Variants in ARHGEF12 observed in about 807,000 individuals in gnomAD.
ARHGEF12 encodes Rho guanine nucleotide exchange factor 12, also known as KMT2A/ARHGEF12 fusion protein.
ARHGEF12 carries 66 observed loss-of-function variants against 211.2 expected under a neutral mutation model. That is an observed-to-expected ratio of 0.31 (90% CI 0.26 to 0.38). The LOEUF (loss-of-function observed/expected upper bound fraction) is 0.38, where lower values mean the gene tolerates loss of function less well. Among genes scored for constraint, ARHGEF12 ranks in the 10% least tolerant of loss-of-function variants. The pLI, the probability that ARHGEF12 is intolerant of heterozygous loss-of-function variation, is 1.00. For synonymous variants in ARHGEF12, 592 were observed against 638.4 expected (o/e 0.93, Z 1.09); for missense variants, 1,429 against 1,869.5 (o/e 0.76, Z 4.34).
chr11:120,384,791 T>TC (rs1383150678), intron 1 of ARHGEF12, among the ~76,000 whole-genome samples: 4 of 151,762 alleles, frequency 2.6e-5, no homozygotes, highest in Non-Finnish European at 2.9e-5. Context: ...ATATTTTTCC[T>TC]CCCCCCATGT....
intron 1 of ARHGEF12, among the ~76,000 whole-genome samples, chr11:120,400,982 G>A (rs1191646211): frequency 6.6e-6 from 1 of 152,186 alleles, no homozygotes; most frequent in Non-Finnish European, 1.5e-5. Context: ...TTAAAACAAA[G>A]AACACCATGG....
chr11:120,367,280 T>C (rs1943449589), intron 1 of ARHGEF12, among the ~76,000 whole-genome samples: 1 of 148,994 alleles, frequency 6.7e-6, no homozygotes, highest in Non-Finnish European at 1.5e-5. Flanking sequence ...TTAAGGATTA[T>C]AGGACAGCAC....
At chr11:120,421,275 T>C (rs934421952) in intron 5 of ARHGEF12, among the ~76,000 whole-genome samples, 2 of 152,178 alleles carry the variant, frequency 1.3e-5, no homozygotes, top group African/African-American at 2.4e-5. Flanking sequence ...TCCTTTATGT[T>C]GGGTGCTATA....
chr11:120,351,433 ATATATATATATATATATATATATTTTTT>A lies in ARHGEF12; in HGVS notation c.32+14160_32+14187del, dbSNP rs1201164564. 1.0e-2 allele frequency among the ~76,000 whole-genome samples: 37 copies of A among 3,716 alleles called. 2 individuals carry two copies. In the South Asian group the frequency reaches 0.12, roughly 13 times the overall value. 2.4% of individuals were successfully genotyped at this position (3,716 alleles called of 152,430 possible). On this transcript the variant is annotated intron_variant, in intron 1 of 40. Coordinates refer to ENST00000397843, the MANE Select transcript of ARHGEF12 (RefSeq NM_015313.3). ...AATATATATATATATATATATATAT[ATATATATATATATATATATATATTTTTT>A]TTTTTTTTTTTTTTTTTTTTGAGAC...
At chr11:120,484,857 G>A (rs1192727444) in intron 40 of ARHGEF12, among the ~76,000 whole-genome samples, 1 of 152,170 alleles carries the variant, frequency 6.6e-6, no homozygotes, top group African/African-American at 2.4e-5. Context: ...CTTATTGGAT[G>A]TTGGTGCACT....
intron 1 of ARHGEF12, among the ~76,000 whole-genome samples, chr11:120,364,461 A>G (rs1263241061): frequency 2.6e-5 from 4 of 152,204 alleles, no homozygotes; most frequent in Admixed American, 1.3e-4. Context: ...CAATTTTGGT[A>G]TATATCTCAA....
At chr11:120,478,059 A>AT in intron 36 of ARHGEF12, 97 bp from the exon 37 acceptor site, 1 of 789,852 alleles carries the variant, frequency 1.3e-6, no homozygotes, top group Non-Finnish European at 2.0e-6. Flanking sequence ...TAGTTTATGG[A>AT]TTGTTTTTTT....
At chr11:120,404,735 G>A (rs562986122) in intron 1 of ARHGEF12, among the ~76,000 whole-genome samples, 1 of 152,176 alleles carries the variant, frequency 6.6e-6, no homozygotes, top group Non-Finnish European at 1.5e-5. Flanking sequence ...CTGTGAGGTC[G>A]AGTGCCTAAG....
intron 26 of ARHGEF12, among the ~76,000 whole-genome samples, chr11:120,459,918 G>C (rs567691756): frequency 3.5e-4 from 53 of 152,274 alleles, no homozygotes; most frequent in Admixed American, 3.5e-3. Context: ...ATGTTGGCCA[G>C]GCTGGTCTCA....
intron 1 of ARHGEF12, among the ~76,000 whole-genome samples, chr11:120,402,472 A>G (rs1458602627): frequency 6.6e-6 from 1 of 152,192 alleles, no homozygotes; most frequent in East Asian, 1.9e-4. Context: ...GAGTGTATCT[A>G]CTAATGGAAT....
At position 120,396,480 on chromosome 11, in the gene ARHGEF12, C is replaced by T. The variant is rs188233671; in HGVS notation, c.33-9638C>T. 1.7e-4 allele frequency among the ~76,000 whole-genome samples: 26 copies of T among 152,278 alleles called. No individual in the cohort carries two copies. In the East Asian group the frequency reaches 4.8e-3, roughly 28 times the overall value. Reference sequence around the variant, plus strand: ...AAAGTTAACATTACTAGTGTTAAGTCATATTGGTGTCATATATCCTCTGAT... The same window carrying T: ...AAAGTTAACATTACTAGTGTTAAGTTATATTGGTGTCATATATCCTCTGAT... On this transcript the variant is annotated intron_variant, in intron 1 of 40. Coordinates refer to ENST00000397843, the MANE Select transcript of ARHGEF12 (RefSeq NM_015313.3).
chr11:120,481,315 G>C lies in ARHGEF12; in HGVS notation c.4293G>C (p.Glu1431Asp), dbSNP rs903821735. 6.2e-7 allele frequency: 1 copy of C among 1,614,160 alleles called. No homozygotes were observed. The highest frequency in any genetic ancestry group is 8.5e-7 in the Non-Finnish European group (1 of 1,180,026). Residue 1431 changes from glutamate (E) to aspartate (D), a missense_variant, in exon 39 of 41, where the codon GAG becomes GAC. Coordinates refer to ENST00000397843, the MANE Select transcript of ARHGEF12 (RefSeq NM_015313.3). The stretch of plus-strand genomic sequence containing the variant: ...CAGTGCAGGAGAGTTCCACAGATGA[G>C]GAGGTTGCTTCCTCACTTACCCTGC... Reference protein sequence around the residue: ...YDPVQESSTDEEVASSLTLQP... With the variant: ...YDPVQESSTDDEVASSLTLQP...
rs759833058 is a variant in ARHGEF12, at chr11:120,457,222, G to T, written c.2161G>T (p.Val721Leu). Residue 721 changes from valine to leucine, a missense_variant, in exon 23 of 41, where the codon GTG becomes TTG. Around this residue, in one of 7 missense-constraint regions of ARHGEF12, gnomAD observed 373 missense variants for 467.5 expected, o/e 0.80. Coordinates refer to ENST00000397843, the MANE Select transcript of ARHGEF12 (RefSeq NM_015313.3). ...FDFPPPPLDQ[V>L]QEEECEVERV... ...TTTCCCACCACCTCCATTAGACCAA[G>T]TGCAGGAGGAGGAATGTGAAGTAGA... 1 of 1,614,086 alleles carries T rather than the reference G, an allele frequency of 6.2e-7. No homozygotes were observed. The highest frequency in any genetic ancestry group is 1.7e-5 in the Admixed American group (1 of 60,020).
chr11:120,395,547 G>A (rs1049723399), intron 1 of ARHGEF12, among the ~76,000 whole-genome samples: 1 of 152,172 alleles, frequency 6.6e-6, no homozygotes, highest in Non-Finnish European at 1.5e-5. Flanking sequence ...AGACATATCC[G>A]AGACTGGGTA....
Position 120,480,116 on chromosome 11 carries a change from C to T in ARHGEF12, c.3923C>T (p.Ser1308Phe). Residue 1308 changes from serine to phenylalanine, a missense_variant, in exon 38 of 41, where the codon TCT becomes TTT. This residue lies in a region of ARHGEF12 where 467 missense variants were observed against 468.4 expected (regional missense o/e 1.00). Transcript: ENST00000397843. ...TCTGAAAATATTAAGGCCTATCATT[C>T]TGGTGAAGGACATATGCCCTTTAGA... ...QNSENIKAYH[S>F]GEGHMPFRTG... is the part of the protein sequence containing the mutation. 6.2e-7 allele frequency: 1 copy of T among 1,614,182 alleles called. No individual in the cohort carries two copies. The highest frequency in any genetic ancestry group is 8.5e-7 in the Non-Finnish European group (1 of 1,180,028).
Position 120,484,329 on chromosome 11 carries a change from G to T in ARHGEF12, c.4555-109G>T. The T allele has an allele frequency of 7.2e-6, 6 of 830,776 alleles. No individual in the cohort carries two copies. The South Asian group carries it at 9.6e-5, about 13-fold the overall frequency. The allele number at this position is 830,776 out of a possible 1,614,324, so 51.5% of individuals were successfully genotyped here. A position where few individuals can be genotyped will look rare whatever the true frequency, so the allele number is the denominator to read the frequency against. ...ATGAAGTTAATATTTTTGAAATTTG[G>T]GGGCTTGTACCTGTAATGTAAAAAG... is the stretch of plus-strand genomic sequence containing the variant. On this transcript the variant is annotated intron_variant, in intron 39 of 40. Transcript: ENST00000397843.
intron 21 of ARHGEF12, chr11:120,451,303 C>A (rs187133259): frequency 2.2e-6 from 1 of 451,864 alleles, no homozygotes; most frequent in Non-Finnish European, 4.0e-6. Context: ...CTCAGCCTTC[C>A]GAGTAGCTGG....
At chr11:120,452,286 A>G (rs1946235847) in intron 22 of ARHGEF12, among the ~76,000 whole-genome samples, 1 of 152,190 alleles carries the variant, frequency 6.6e-6, no homozygotes, top group South Asian at 2.1e-4. Context: ...GTAAAGGGTA[A>G]GACTATTTAC....
intron 1 of ARHGEF12, among the ~76,000 whole-genome samples, chr11:120,394,149 A>T (rs555458134): frequency 6.6e-6 from 1 of 152,298 alleles, no homozygotes; most frequent in South Asian, 2.1e-4. Flanking sequence ...GTTGCCATTA[A>T]AGCATTACAT....
Sources: gnomAD v4.1 joint callset for allele counts (sites outside exome capture counted in the v4.1 genomes callset) on GRCh38, gnomAD v4.1.1 for gene constraint, gnomAD v4.1.1 regional missense constraint, MANE v1.5 for transcripts, NCBI Gene and HGNC (gene_info 2026-07-23, HGNC 2026-07-21) for gene names.